SDK1: variants seen among roughly 807,000 people sequenced by gnomAD.
SDK1 encodes protein sidekick-1.
SDK1 carries 157 observed loss-of-function variants against 245.5 expected under a neutral mutation model. That is an observed-to-expected ratio of 0.64 (90% CI 0.56 to 0.73). The LOEUF is 0.73. SDK1 is among the 30% of genes least tolerant of loss of function. The pLI is 0.00. For synonymous variants in SDK1, 1,647 were observed against 1,278.5 expected (o/e 1.29, Z -6.15); for missense variants, 3,583 against 3,002.3 (o/e 1.19, Z -4.52).
intron 14 of SDK1, among the ~76,000 whole-genome samples, chr7:4,004,528 C>T (rs1583799126): frequency 6.6e-6 from 1 of 152,158 alleles, no homozygotes; most frequent in Non-Finnish European, 1.5e-5. Context: ...TTATAAAATG[C>T]TCCATGCTGG....
intron 1 of SDK1, among the ~76,000 whole-genome samples, chr7:3,346,034 T>C (rs1780483513): frequency 2.0e-5 from 3 of 152,218 alleles, no homozygotes; most frequent in African/African-American, 7.2e-5. Context: ...CTTGTACTCC[T>C]GGATAAAATG....
At chr7:3,770,408 C>G (rs1194835472) in intron 4 of SDK1, among the ~76,000 whole-genome samples, 4 of 152,168 alleles carry the variant, frequency 2.6e-5, no homozygotes, top group African/African-American at 9.7e-5. Flanking sequence ...CTTCTGTGAA[C>G]ATTCATGCAC....
chr7:3,693,471 T>C (rs183242395), intron 4 of SDK1, among the ~76,000 whole-genome samples: 1 of 152,232 alleles, frequency 6.6e-6, no homozygotes, highest in African/African-American at 2.4e-5. Flanking sequence ...CTGACATCTT[T>C]ACAACATTGC....
intron 4 of SDK1, among the ~76,000 whole-genome samples, chr7:3,782,926 G>T (rs1394124776): frequency 1.3e-5 from 2 of 152,182 alleles, no homozygotes; most frequent in African/African-American, 4.8e-5. Context: ...ATAAGAAAGA[G>T]AGTTAAAGGT....
At chr7:3,678,661 C>T (rs1053367452) in intron 4 of SDK1, among the ~76,000 whole-genome samples, 1 of 152,104 alleles carries the variant, frequency 6.6e-6, no homozygotes, top group Admixed American at 6.5e-5. Context: ...GTCACAGGTA[C>T]AGAGTTTCTG....
intron 4 of SDK1, among the ~76,000 whole-genome samples, chr7:3,805,043 A>G (rs1779207193): frequency 6.6e-6 from 1 of 152,198 alleles, no homozygotes; most frequent in South Asian, 2.1e-4. Flanking sequence ...CACAAAAAGA[A>G]AAAAAATACA....
intron 22 of SDK1, among the ~76,000 whole-genome samples, chr7:4,102,740 C>G (rs779051887): frequency 3.3e-5 from 5 of 152,086 alleles, no homozygotes; most frequent in Admixed American, 6.5e-5. Flanking sequence ...ACAGACCAAG[C>G]CTCCTGGCCC....
intron 1 of SDK1, among the ~76,000 whole-genome samples, chr7:3,502,882 T>C (rs971196194): frequency 7.2e-5 from 11 of 152,196 alleles, no homozygotes; most frequent in Admixed American, 1.3e-4. Flanking sequence ...AACATACTTT[T>C]CTTGGCCATA....
At chr7:3,833,811 T>G (rs1779969615) in intron 5 of SDK1, among the ~76,000 whole-genome samples, 1 of 152,216 alleles carries the variant, frequency 6.6e-6, no homozygotes, top group Admixed American at 6.5e-5. Flanking sequence ...GTAAAAACCA[T>G]GACAGCATGT....
chr7:4,220,350 C>G, intron 39 of SDK1, 80 bp downstream of exon 39: 1 of 1,467,912 alleles, frequency 6.8e-7, no homozygotes, highest in South Asian at 1.3e-5. Flanking sequence ...TGAGATCCAT[C>G]TACATGGTCA....
At chr7:3,901,337 C>A (rs1781783811) in intron 5 of SDK1, among the ~76,000 whole-genome samples, 1 of 152,124 alleles carries the variant, frequency 6.6e-6, no homozygotes, top group Admixed American at 6.5e-5. Context: ...CAGGCATGTG[C>A]CACCACGCCC....
intron 1 of SDK1, among the ~76,000 whole-genome samples, chr7:3,441,756 C>T (rs1780203778): frequency 1.3e-5 from 2 of 152,158 alleles, no homozygotes; most frequent in Admixed American, 1.3e-4. Flanking sequence ...GTAGAATAGA[C>T]ATCTTAACAA....
intron 1 of SDK1, among the ~76,000 whole-genome samples, chr7:3,466,790 T>C (rs1416274293): frequency 6.6e-6 from 1 of 150,780 alleles, no homozygotes; most frequent in Non-Finnish European, 1.5e-5. Flanking sequence ...TAAAGCAGAG[T>C]TAAATTGAAC....
At chr7:3,664,190 C>G (rs1355521358) in intron 4 of SDK1, among the ~76,000 whole-genome samples, 1 of 152,044 alleles carries the variant, frequency 6.6e-6, no homozygotes, top group African/African-American at 2.4e-5. Context: ...AACATACATA[C>G]CTTGAAGGGA....
At chr7:3,489,342 A>C (rs1159896049) in intron 1 of SDK1, among the ~76,000 whole-genome samples, 1 of 152,240 alleles carries the variant, frequency 6.6e-6, no homozygotes, top group Non-Finnish European at 1.5e-5. Context: ...GACTCTAAAC[A>C]ATTGAGCGTA....
chr7:4,100,631 G>A (rs188336049), intron 22 of SDK1, among the ~76,000 whole-genome samples: 14 of 152,230 alleles, frequency 9.2e-5, no homozygotes, highest in Admixed American at 3.9e-4. Flanking sequence ...CAGCCTGGAA[G>A]GGAGTCCTCA....
At chr7:3,956,489 A>G (rs983792438) in intron 7 of SDK1, among the ~76,000 whole-genome samples, 25 of 152,342 alleles carry the variant, frequency 1.6e-4, no homozygotes, top group Non-Finnish European at 3.5e-4. Flanking sequence ...GAGGCCACGC[A>G]GGGCATGGGC....
chr7:4,071,480 A>G (rs6462577), intron 20 of SDK1, among the ~76,000 whole-genome samples: 52,292 of 152,164 alleles, frequency 0.34, 12,630 homozygotes, highest in African/African-American at 0.69. Context: ...TTCTGAAGTC[A>G]TCTGAGAATC....
At chr7:3,706,591 A>T (rs1784896639) in intron 4 of SDK1, among the ~76,000 whole-genome samples, 2 of 152,078 alleles carry the variant, frequency 1.3e-5, no homozygotes, top group African/African-American at 4.8e-5. Flanking sequence ...TTTAGTAGAG[A>T]TGGGGTTTCA....
Sources: allele counts gnomAD v4.1 joint callset (sites outside exome capture counted in the v4.1 genomes callset), GRCh38; gene constraint gnomAD v4.1.1; transcripts MANE v1.5; gene names NCBI Gene and HGNC (gene_info 2026-07-23, HGNC 2026-07-21).